Variants in TACR1 observed in about 807,000 individuals in gnomAD.
TACR1 encodes the protein substance-P receptor.
A neutral mutation model predicts 35.8 loss-of-function variants in TACR1; 25 were observed. The observed-to-expected ratio is 0.70, with a 90% CI of 0.51 to 0.98. The LOEUF is 0.98. Among genes scored for constraint, TACR1 ranks in the 50% least tolerant of loss-of-function variants. The pLI, the probability that TACR1 is intolerant of heterozygous loss-of-function variation, is 0.00. For missense variants in TACR1, 478 were observed against 522.9 expected (o/e 0.91, Z 0.84); for synonymous variants, 195 against 206.7 (o/e 0.94, Z 0.48).
At chr2:75,183,376 G>A (rs771140371) in intron 1 of TACR1, among the ~76,000 whole-genome samples, 16 of 152,176 alleles carry the variant, frequency 1.1e-4, no homozygotes, top group East Asian at 1.9e-4. Context: ...AAATTGCAGC[G>A]TTTATCTATG....
intron 2 of TACR1, among the ~76,000 whole-genome samples, chr2:75,112,568 C>G (rs1242239055): frequency 6.6e-6 from 1 of 151,976 alleles, no homozygotes; most frequent in African/African-American, 2.4e-5. Flanking sequence ...TGATATTTTT[C>G]ATTTTGCTTA....
chr2:75,171,682 C>T (rs1165811950), intron 1 of TACR1, among the ~76,000 whole-genome samples: 3 of 152,218 alleles, frequency 2.0e-5, no homozygotes, highest in African/African-American at 2.4e-5. Context: ...CTTGCATCAG[C>T]GTGACCTGGA....
At chr2:75,154,401 AGCGCG>A (rs1348065452) in intron 1 of TACR1, 1 of 76,444 alleles carries the variant, frequency 1.3e-5, no homozygotes, top group Non-Finnish European at 2.7e-5. Flanking sequence ...ATCAGCCAAG[AGCGCG>A]CACGCACACA....
At chr2:75,168,286 T>C (rs1675192850) in intron 1 of TACR1, among the ~76,000 whole-genome samples, 1 of 152,216 alleles carries the variant, frequency 6.6e-6, no homozygotes, top group Admixed American at 6.5e-5. Flanking sequence ...AGTCTGTGAT[T>C]ATGTTACCTG....
chr2:75,140,983 A>G (rs1234258428), intron 1 of TACR1, among the ~76,000 whole-genome samples: 1 of 152,136 alleles, frequency 6.6e-6, no homozygotes, highest in African/African-American at 2.4e-5. Flanking sequence ...ACTGGAGACT[A>G]TGTCTTTTTT....
chr2:75,057,358 G>A (rs1672589278), intron 2 of TACR1, among the ~76,000 whole-genome samples: 2 of 151,752 alleles, frequency 1.3e-5, no homozygotes, highest in Admixed American at 1.3e-4. Flanking sequence ...CCTATAAAAT[G>A]ACCCCACCCC....
intron 1 of TACR1, among the ~76,000 whole-genome samples, chr2:75,135,320 T>C (rs921720601): frequency 2.0e-5 from 3 of 152,264 alleles, no homozygotes; most frequent in African/African-American, 7.2e-5. Context: ...GCAGTGATGC[T>C]GAACAAGATA....
chr2:75,090,207 A>C (rs55770602), intron 2 of TACR1, among the ~76,000 whole-genome samples: 11 of 152,112 alleles, frequency 7.2e-5, no homozygotes, highest in Non-Finnish European at 1.5e-4. Context: ...TTTCCATAGC[A>C]CTTTTCACTT....
At chr2:75,049,757 GGGAC>G in intron 4 of TACR1, 34 bp from the exon 5 acceptor site, 1 of 1,592,014 alleles carries the variant, frequency 6.3e-7, no homozygotes, top group Non-Finnish European at 8.6e-7. Context: ...GTGACCCTTT[GGGAC>G]GGCCTGCTCA....
At chr2:75,158,025 A>C (rs1418833481) in intron 1 of TACR1, among the ~76,000 whole-genome samples, 1 of 152,234 alleles carries the variant, frequency 6.6e-6, no homozygotes, top group Non-Finnish European at 1.5e-5. Flanking sequence ...GGTTAGGTCT[A>C]AACCTTATTT....
At chr2:75,146,124 T>C (rs1674506258) in intron 1 of TACR1, among the ~76,000 whole-genome samples, 1 of 151,922 alleles carries the variant, frequency 6.6e-6, no homozygotes. Flanking sequence ...CTTTTTAAAA[T>C]TTTTTTTCTA....
At chr2:75,163,510 A>C (rs1175581007) in intron 1 of TACR1, among the ~76,000 whole-genome samples, 2 of 152,230 alleles carry the variant, frequency 1.3e-5, no homozygotes, top group Non-Finnish European at 2.9e-5. Context: ...ATTGCTTGGC[A>C]GGGCAAAGGT....
chr2:75,186,479 T>G (rs999348364), intron 1 of TACR1, among the ~76,000 whole-genome samples: 2 of 152,052 alleles, frequency 1.3e-5, no homozygotes, highest in Non-Finnish European at 2.9e-5. Context: ...TTACATTTAT[T>G]TTTCTTCAAA....
chr2:75,176,484 GC>G, intron 1 of TACR1, among the ~76,000 whole-genome samples: 1 of 151,966 alleles, frequency 6.6e-6, no homozygotes, highest in East Asian at 1.9e-4. Context: ...ACTCCTCTGA[GC>G]CTATCCTTGC....
intron 2 of TACR1, among the ~76,000 whole-genome samples, chr2:75,080,769 T>C (rs1444640357): frequency 1.3e-5 from 2 of 152,204 alleles, no homozygotes; most frequent in Non-Finnish European, 2.9e-5. Flanking sequence ...GGTGTGAAAA[T>C]ACTTAGGAAA....
chr2:75,101,353 G>T (rs1673530453), intron 2 of TACR1, among the ~76,000 whole-genome samples: 1 of 152,106 alleles, frequency 6.6e-6, no homozygotes, highest in South Asian at 2.1e-4. Context: ...AATAAATAAA[G>T]CATCTTAAAG....
chr2:75,078,985 T>C (rs1392874080), intron 2 of TACR1, among the ~76,000 whole-genome samples: 1 of 152,090 alleles, frequency 6.6e-6, no homozygotes, highest in South Asian at 2.1e-4. Flanking sequence ...AAACATACAC[T>C]CTGGCAAACA....
intron 2 of TACR1, among the ~76,000 whole-genome samples, chr2:75,094,859 A>ATTTTTTTT (rs58283121): frequency 4.4e-5 from 5 of 113,090 alleles, no homozygotes; most frequent in African/African-American, 2.4e-4. Context: ...ATATATATAT[A>ATTTTTTTT]TTTTTTTTTT....
At chr2:75,177,761 A>G (rs769641027) in intron 1 of TACR1, among the ~76,000 whole-genome samples, 2 of 152,196 alleles carry the variant, frequency 1.3e-5, no homozygotes, top group Non-Finnish European at 2.9e-5. Flanking sequence ...CTATGCCTAC[A>G]TGACAGGAAG....
Sources: gnomAD v4.1 joint callset for allele counts (sites outside exome capture counted in the v4.1 genomes callset) on GRCh38, gnomAD v4.1.1 for gene constraint, MANE v1.5 for transcripts, NCBI Gene and HGNC (gene_info 2026-07-23, HGNC 2026-07-21) for gene names.